Variants in LTBP1 observed in about 807,000 individuals in gnomAD.
LTBP1 encodes the protein latent-transforming growth factor beta-binding protein 1.
A neutral mutation model predicts 207.6 loss-of-function variants in LTBP1; 129 were observed. The observed-to-expected ratio is 0.62, with a 90% confidence interval of 0.54 to 0.72. The LOEUF is 0.72. LTBP1 is among the 30% of genes least tolerant of loss of function. LTBP1 has a pLI of 0.00. For missense variants in LTBP1, 2,281 were observed against 2,217.2 expected, an observed-to-expected ratio of 1.03 and a Z score of -0.58; for synonymous variants, 963 against 833.7, an observed-to-expected ratio of 1.16 and a Z score of -2.67.
At chr2:33,336,399 C>G (rs1435383197) in intron 24 of LTBP1, among the ~76,000 whole-genome samples, 1 of 152,224 alleles carries the variant, frequency 6.6e-6, no homozygotes, top group Non-Finnish European at 1.5e-5. Context: ...CCTCTGCCAG[C>G]TCTCCCGCTA....
At chr2:33,268,928 T>TA (rs1252181018) in intron 15 of LTBP1, among the ~76,000 whole-genome samples, 1 of 152,122 alleles carries the variant, frequency 6.6e-6, no homozygotes. Context: ...CCCAGACATT[T>TA]AAAAAAACTA....
At chr2:33,208,015 C>G (rs989820460) in intron 7 of LTBP1, among the ~76,000 whole-genome samples, 1 of 152,220 alleles carries the variant, frequency 6.6e-6, no homozygotes, top group Non-Finnish European at 1.5e-5. Context: ...GTAGTCAGTA[C>G]TTTTCCCATA....
intron 26 of LTBP1, among the ~76,000 whole-genome samples, chr2:33,355,919 G>T (rs1291797675): frequency 1.4e-5 from 2 of 148,028 alleles, no homozygotes; most frequent in Non-Finnish European, 3.0e-5. Context: ...CTCTTTTAAA[G>T]TGTTTTTATT....
chr2:33,185,110 A>G (rs1184457736), intron 5 of LTBP1, among the ~76,000 whole-genome samples: 2 of 152,200 alleles, frequency 1.3e-5, no homozygotes, highest in Non-Finnish European at 2.9e-5. Flanking sequence ...CTCAGTGTGG[A>G]TAAAGCTCTG....
chr2:33,045,589 T>C (rs535155372), intron 3 of LTBP1, among the ~76,000 whole-genome samples: 1 of 152,314 alleles, frequency 6.6e-6, no homozygotes, highest in South Asian at 2.1e-4. Context: ...TTGTCTTGAC[T>C]ATGTGGGCTC....
At chr2:33,106,581 A>G (rs1052833962) in intron 3 of LTBP1, among the ~76,000 whole-genome samples, 2 of 152,264 alleles carry the variant, frequency 1.3e-5, no homozygotes, top group South Asian at 2.1e-4. Flanking sequence ...TGGATTGTCA[A>G]TGAGCAGTAC....
At chr2:33,336,796 T>C (rs967908351) in intron 24 of LTBP1, among the ~76,000 whole-genome samples, 4 of 152,082 alleles carry the variant, frequency 2.6e-5, no homozygotes. Flanking sequence ...AGAAGCACTT[T>C]CCTAAAAATG....
At chr2:33,320,396 G>GAAA (rs57890814) in intron 24 of LTBP1, among the ~76,000 whole-genome samples, 1 of 124,812 alleles carries the variant, frequency 8.0e-6, no homozygotes, top group African/African-American at 2.9e-5. Context: ...TAAACTCTGT[G>GAAA]AAAAAAAAAA....
chr2:33,019,880 T>TC (rs1389254841), intron 2 of LTBP1, among the ~76,000 whole-genome samples: 1 of 151,078 alleles, frequency 6.6e-6, no homozygotes, highest in East Asian at 1.9e-4. Context: ...TTAAATTTTT[T>TC]TTTTTTTTTT....
chr2:33,392,293 T>C (rs2095321662), intron 32 of LTBP1, among the ~76,000 whole-genome samples: 2 of 152,098 alleles, frequency 1.3e-5, no homozygotes. Context: ...CAAGTGATTG[T>C]CCTGCCTCAG....
intron 32 of LTBP1, among the ~76,000 whole-genome samples, chr2:33,392,183 A>ATTTTTTTTTTT (rs60323377): frequency 6.7e-6 from 1 of 148,278 alleles, no homozygotes; most frequent in African/African-American, 2.5e-5. Flanking sequence ...GCCAGGTAGT[A>ATTTTTTTTTTT]TTTTTTTTTT....
In LTBP1 at chr2:32,947,556, G is replaced by A. The variant is rs575794438; in HGVS notation, c.232G>A (p.Gly78Arg). ...AAGAPSRASP[G>R]VPSERTRRTS... The stretch of plus-strand genomic sequence containing the variant: ...CGGCGCCCCCAGCCGTGCCTCCCCC[G>A]GGGTCCCCTCGGAGAGGACCCGGCG... The change falls in exon 1 of 34, where the codon GGG (glycine) becomes AGG (arginine). Residue 78 changes from glycine to arginine, a missense_variant. Gly to Arg is a moderately radical substitution (Grantham distance 125). Transcript: ENST00000404816. 5.1e-6 allele frequency: 7 copies of A among 1,365,364 alleles called. No homozygotes were observed. Among genetic ancestry groups the A allele is most frequent in the African/African-American group, 1.5e-5 (1 of 65,324 alleles). 84.6% of individuals were successfully genotyped at this position (1,365,364 alleles called of 1,614,324 possible).
chr2:33,086,766 C>T (rs747806633), intron 3 of LTBP1, among the ~76,000 whole-genome samples: 3 of 151,698 alleles, frequency 2.0e-5, no homozygotes, highest in Non-Finnish European at 2.9e-5. Flanking sequence ...CATTAAGAAG[C>T]GTGATTTCTG....
intron 10 of LTBP1, among the ~76,000 whole-genome samples, chr2:33,244,963 C>T (rs977955522): frequency 1.3e-5 from 2 of 152,210 alleles, no homozygotes; most frequent in Non-Finnish European, 1.5e-5. Flanking sequence ...ATTGCAACCT[C>T]TGCCTCCCGG....
chr2:33,307,242 A>C (rs1378305523), intron 22 of LTBP1, among the ~76,000 whole-genome samples: 1 of 152,206 alleles, frequency 6.6e-6, no homozygotes, highest in Non-Finnish European at 1.5e-5. Context: ...CAAAACTTAA[A>C]TATAACCTAA....
chr2:33,230,375 T>G (rs1441640665), intron 9 of LTBP1, among the ~76,000 whole-genome samples: 1 of 152,150 alleles, frequency 6.6e-6, no homozygotes, highest in Non-Finnish European at 1.5e-5. Context: ...TTTTTTTTCC[T>G]CCTCTCTAGT....
chr2:33,379,061 CCTT>C (rs1335183339), intron 31 of LTBP1, among the ~76,000 whole-genome samples: 2 of 152,060 alleles, frequency 1.3e-5, no homozygotes, highest in Non-Finnish European at 2.9e-5. Flanking sequence ...CACAACAAAG[CCTT>C]CTTTATGCTT....
chr2:33,004,816 A>ATATATAG lies in LTBP1; in HGVS notation c.566-16093_566-16092insTATATAG, dbSNP rs1558501569. Among the ~76,000 whole-genome samples, 72 of 72,054 alleles carry ATATATAG rather than the reference A, an allele frequency of 1.0e-3. 2 individuals are homozygous for ATATATAG. The highest frequency in any genetic ancestry group is 2.8e-3 in the African/African-American group (70 of 25,174). 47.3% of individuals were successfully genotyped at this position (72,054 alleles called of 152,430 possible). On this transcript the variant is annotated intron_variant, in intron 2 of 33. Transcript: ENST00000404816. ...ATATATATATATATATATATATATA[A>ATATATAG]ACATAAAATTTGTAAAATAGTATTT...
At chr2:33,383,681 G>A (rs994531355) in intron 31 of LTBP1, among the ~76,000 whole-genome samples, 12 of 152,220 alleles carry the variant, frequency 7.9e-5, no homozygotes, top group Admixed American at 6.5e-4. Context: ...TAGCCTCAGT[G>A]TGCCGCTATG....
Sources: gnomAD v4.1 joint callset for allele counts (sites outside exome capture counted in the v4.1 genomes callset) on GRCh38, gnomAD v4.1.1 for gene constraint, MANE v1.5 for transcripts, NCBI Gene and HGNC (gene_info 2026-07-23, HGNC 2026-07-21) for gene names.